ANKRD12: variants seen among roughly 807,000 people sequenced by gnomAD.
ANKRD12 encodes the protein ankyrin repeat domain-containing protein 12.
A neutral mutation model predicts 183.4 loss-of-function variants in ANKRD12; 85 were observed. The observed-to-expected ratio is 0.46, with a 90% CI of 0.39 to 0.56. The LOEUF is 0.56. Among genes scored for constraint, ANKRD12 ranks in the 20% least tolerant of loss-of-function variants. The pLI, the probability that ANKRD12 is intolerant of heterozygous loss-of-function variation, is 0.00. For synonymous variants in ANKRD12, 914 were observed against 800.2 expected, an observed-to-expected ratio of 1.14 and a Z score of -2.40; for missense variants, 2,405 against 2,357.1, an observed-to-expected ratio of 1.02 and a Z score of -0.42.
At chr18:9,207,880 C>A (rs1438974468) in intron 4 of ANKRD12, among the ~76,000 whole-genome samples, 1 of 152,156 alleles carries the variant, frequency 6.6e-6, no homozygotes, top group Non-Finnish European at 1.5e-5. Flanking sequence ...AGACAAACAT[C>A]TGTATCTCTT....
chr18:9,177,925 T>C (rs573672147), intron 1 of ANKRD12, among the ~76,000 whole-genome samples: 1 of 152,238 alleles, frequency 6.6e-6, no homozygotes, highest in South Asian at 2.1e-4. Context: ...TTAAAATCTT[T>C]TACTCACTTT....
chr18:9,164,538 G>C (rs965779873), intron 1 of ANKRD12, among the ~76,000 whole-genome samples: 1 of 152,118 alleles, frequency 6.6e-6, no homozygotes, highest in African/African-American at 2.4e-5. Flanking sequence ...TGGGCATTTA[G>C]TGCTATAGAT....
rs1399413252 is a variant in ANKRD12 at position 9,170,538 on chromosome 18, TG to T, written c.-51-11843del. Among the ~76,000 whole-genome samples, 10 of 152,226 alleles carry T rather than the reference TG, an allele frequency of 6.6e-5. No homozygotes were observed. The East Asian group carries it at 1.7e-3, about 26-fold the overall frequency. On this transcript the variant is annotated intron_variant, in intron 1 of 12. Transcript: ENST00000262126. ...TTCTGCATTCGTCATGTAGCTCTGG[TG>T]CCTTGGTTTTCAGCTCCATCAGGTC...
intron 4 of ANKRD12, among the ~76,000 whole-genome samples, chr18:9,206,559 C>T (rs1055152985): frequency 7.2e-5 from 11 of 152,016 alleles, no homozygotes; most frequent in South Asian, 2.1e-4. Flanking sequence ...TGCCTTACAC[C>T]GGCTGCTGTT....
At chr18:9,137,526 A>AGC (rs1259226705) in intron 1 of ANKRD12, 4 of 148,202 alleles carry the variant, frequency 2.7e-5, no homozygotes, top group African/African-American at 9.8e-5. Context: ...TCCCGCCGCC[A>AGC]GCCGCCGAGC....
At chr18:9,193,555 C>T (rs991984309) in intron 2 of ANKRD12, among the ~76,000 whole-genome samples, 2 of 151,732 alleles carry the variant, frequency 1.3e-5, no homozygotes, top group Non-Finnish European at 2.9e-5. Flanking sequence ...CTCTGTTTTT[C>T]ATTATTAAGT....
chr18:9,156,296 T>C (rs993660691), intron 1 of ANKRD12, among the ~76,000 whole-genome samples: 4 of 152,098 alleles, frequency 2.6e-5, no homozygotes, highest in African/African-American at 9.7e-5. Flanking sequence ...TAATTAATTC[T>C]GAAATTCATT....
chr18:9,213,015 T>C (rs1028553242), intron 6 of ANKRD12, among the ~76,000 whole-genome samples: 1 of 151,890 alleles, frequency 6.6e-6, no homozygotes, highest in African/African-American at 2.4e-5. Flanking sequence ...GTCTGTGGCT[T>C]AGGTTGAATA....
At chr18:9,270,058 A>G (rs564980388) in intron 10 of ANKRD12, among the ~76,000 whole-genome samples, 4 of 152,328 alleles carry the variant, frequency 2.6e-5, no homozygotes, top group South Asian at 4.1e-4. Flanking sequence ...CAAAACCACA[A>G]TGAGATACCA....
chr18:9,211,712 A>G lies in ANKRD12; in HGVS notation c.580A>G (p.Ile194Val), dbSNP rs762702179. The G allele has an allele frequency of 1.2e-6, 2 of 1,613,732 alleles. No homozygotes were observed. Among genetic ancestry groups the G allele is most frequent in the Admixed American group, 3.3e-5 (2 of 59,986 alleles). Reference protein sequence around the residue: ...RGETPLHMAAIRGDVKQVKEL... With the variant: ...RGETPLHMAAVRGDVKQVKEL... Reference sequence around the variant, plus strand: ...TGAAACTCCTTTACACATGGCTGCTATTCGAGGAGATGTGAAACAAGTTAA... The same window carrying G: ...TGAAACTCCTTTACACATGGCTGCTGTTCGAGGAGATGTGAAACAAGTTAA... Residue 194 changes from isoleucine to valine, a missense_variant, in exon 6 of 13, where the codon ATT becomes GTT. This residue lies in a region of ANKRD12 where 39 missense variants were observed against 104.8 expected (regional missense o/e 0.37). Transcript: ENST00000262126.
intron 8 of ANKRD12, among the ~76,000 whole-genome samples, chr18:9,237,650 T>G (rs1197629600): frequency 6.6e-6 from 1 of 152,198 alleles, no homozygotes; most frequent in Admixed American, 6.5e-5. Flanking sequence ...CAAGAATAGT[T>G]ATATCTCATT....
At chr18:9,182,353 A>G in intron 1 of ANKRD12, 29 bp from the exon 2 acceptor site, 10 of 506,186 alleles carry the variant, frequency 2.0e-5, no homozygotes, top group East Asian at 4.2e-5. Context: ...TATATATTCA[A>G]ATAACCCTTA....
Position 9,258,249 on chromosome 18 carries a change from A to G in ANKRD12, c.4982A>G (p.Lys1661Arg). Residue 1661 changes from lysine to arginine, a missense_variant, in exon 9 of 13, where the codon AAA becomes AGA. Physicochemically the swap from Lys to Arg is conservative, Grantham distance 26. Transcript: ENST00000262126. The stretch of plus-strand genomic sequence containing the variant: ...TGTGAAATGAATGCAGGGATGCCAA[A>G]AGGAAACCTAAATGAACAAGATCCA... ...DLCEMNAGMP[K>R]GNLNEQDPKH... 2.5e-6 allele frequency: 4 copies of G among 1,613,848 alleles called. No individual in the cohort carries two copies. Among genetic ancestry groups the G allele is most frequent in the Non-Finnish European group, 3.4e-6 (4 of 1,179,970 alleles).
intron 8 of ANKRD12, among the ~76,000 whole-genome samples, chr18:9,241,234 A>G (rs1197756852): frequency 6.6e-6 from 1 of 152,178 alleles, no homozygotes; most frequent in Admixed American, 6.5e-5. Context: ...TATATCAACA[A>G]ATTTGATGAT....
At chr18:9,173,568 A>C (rs923330390) in intron 1 of ANKRD12, among the ~76,000 whole-genome samples, 2 of 127,472 alleles carry the variant, frequency 1.6e-5, no homozygotes, top group African/African-American at 5.9e-5. Flanking sequence ...GAAACAGCTA[A>C]GATGGCAGTC....
Position 9,221,948 on chromosome 18 carries a change from T to G in ANKRD12, c.892T>G (p.Leu298Val). ...VDVAETEELE[L>V]LLKREVPLSD... ...TGTAGCAGAAACAGAGGAGTTGGAG[T>G]TGCTACTAAAAAGAGAGGTGCCTTT... The change falls in exon 8 of 13, where the codon TTG becomes GTG. Residue 298 changes from leucine to valine, a missense_variant. Leu to Val is a conservative substitution (Grantham distance 32). This residue lies in a region of ANKRD12 where 40 missense variants were observed against 54.2 expected (regional missense o/e 0.74). Coordinates refer to ENST00000262126, the MANE Select transcript of ANKRD12 (RefSeq NM_015208.5). The G allele has an allele frequency of 6.2e-7, 1 of 1,613,892 alleles. No individual in the cohort carries two copies. Among genetic ancestry groups the G allele is most frequent in the Non-Finnish European group, 8.5e-7 (1 of 1,179,884 alleles).
In ANKRD12 at chr18:9,281,054, C is replaced by G. The variant is rs764410257; in HGVS notation, c.6117C>G (p.Ser2039Arg). 6.2e-7 allele frequency: 1 copy of G among 1,614,148 alleles called. No individual in the cohort carries two copies. Among genetic ancestry groups the G allele is most frequent in the South Asian group, 1.1e-5 (1 of 91,078 alleles). ...ATCCTGCCACCTATAAATCTATCAG[C>G]ATTTACGAAATCCAGGAGTTTTATG... Reference protein sequence around the residue: ...ELDPATYKSISIYEIQEFYVP... With the variant: ...ELDPATYKSIRIYEIQEFYVP... The change falls in exon 13 of 13, where the codon AGC becomes AGG. Residue 2039 changes from serine to arginine, a missense_variant. Transcript: ENST00000262126.
intron 2 of ANKRD12, among the ~76,000 whole-genome samples, chr18:9,186,304 C>G (rs959964982): frequency 2.0e-5 from 3 of 152,112 alleles, no homozygotes; most frequent in Admixed American, 1.3e-4. Context: ...GTTAAGAATA[C>G]TTGTTAATCA....
intron 1 of ANKRD12, among the ~76,000 whole-genome samples, chr18:9,179,958 G>A (rs1159596947): frequency 6.6e-6 from 1 of 152,232 alleles, no homozygotes; most frequent in African/African-American, 2.4e-5. Context: ...TTGTTGAGCA[G>A]ATATTTCTGT....
Sources: allele counts gnomAD v4.1 joint callset (sites outside exome capture counted in the v4.1 genomes callset), GRCh38; gene constraint gnomAD v4.1.1; regional missense constraint gnomAD v4.1.1; transcripts MANE v1.5; gene names NCBI Gene and HGNC (gene_info 2026-07-23, HGNC 2026-07-21).